Variants in DYNC1I1 observed in about 807,000 individuals in gnomAD.
DYNC1I1 encodes the protein cytoplasmic dynein 1 intermediate chain 1.
Under a neutral mutation model 86.6 loss-of-function variants are expected in DYNC1I1, and 43 were observed. The ratio of observed to expected loss-of-function variants is 0.50; its 90% CI spans 0.39 to 0.64. The LOEUF (loss-of-function observed/expected upper bound fraction) is 0.64. DYNC1I1 is among the 30% of genes least tolerant of loss of function. DYNC1I1 has a pLI of 0.00. For synonymous variants in DYNC1I1, 262 were observed against 283.7 expected (o/e 0.92, Z 0.77); for missense variants, 604 against 788.8 (o/e 0.77, Z 2.81).
rs546825271 is a variant in DYNC1I1 at position 95,864,047 on chromosome 7, G to T, written c.375-5836G>T. Among the ~76,000 whole-genome samples, 23 of 152,224 alleles carry T rather than the reference G, an allele frequency of 1.5e-4. No individual in the cohort carries two copies. In the South Asian group the frequency reaches 4.6e-3, roughly 30 times the overall value. On this transcript the variant is annotated intron_variant, in intron 5 of 16. Coordinates refer to ENST00000447467, the MANE Select transcript of DYNC1I1 (RefSeq NM_001135556.2). ...TACATGTTTCTCATGCTTTTATTTG[G>T]GAGTAAGTTTGTATAATCCTAACTT...
intron 10 of DYNC1I1, among the ~76,000 whole-genome samples, chr7:96,013,730 A>C (rs111456550): frequency 1.3e-5 from 2 of 152,180 alleles, no homozygotes; most frequent in Non-Finnish European, 1.5e-5. Flanking sequence ...AAGTGCTGGG[A>C]TTAGCAGGTA....
intron 6 of DYNC1I1, among the ~76,000 whole-genome samples, chr7:95,896,400 ATTAC>A (rs1287497063): frequency 6.6e-6 from 1 of 152,206 alleles, no homozygotes; most frequent in Non-Finnish European, 1.5e-5. Context: ...GCGTGCTTAT[ATTAC>A]TTAATGTTTC....
chr7:95,996,996 A>G (rs1270415669), intron 10 of DYNC1I1, among the ~76,000 whole-genome samples: 1 of 152,194 alleles, frequency 6.6e-6, no homozygotes, highest in Non-Finnish European at 1.5e-5. Flanking sequence ...TTTTTGAACT[A>G]AAATATGTTT....
At chr7:95,908,293 A>AT (rs1484522781) in intron 6 of DYNC1I1, among the ~76,000 whole-genome samples, 1 of 152,138 alleles carries the variant, frequency 6.6e-6, no homozygotes, top group Non-Finnish European at 1.5e-5. Context: ...CAAATGAGCT[A>AT]TTTTTCCACA....
chr7:96,047,851 G>A (rs563406427), intron 14 of DYNC1I1, among the ~76,000 whole-genome samples: 186 of 152,124 alleles, frequency 1.2e-3, no homozygotes, highest in African/African-American at 4.2e-3. Flanking sequence ...AACAAAAAGC[G>A]ACTTGAACTC....
At chr7:95,946,883 A>G (rs1465289559) in intron 6 of DYNC1I1, among the ~76,000 whole-genome samples, 11 of 152,170 alleles carry the variant, frequency 7.2e-5, no homozygotes, top group Non-Finnish European at 1.5e-4. Context: ...GGAGTGGAGT[A>G]AAAGAGACAG....
chr7:96,094,822 A>G (rs1318138392), intron 16 of DYNC1I1, among the ~76,000 whole-genome samples: 1 of 152,192 alleles, frequency 6.6e-6, no homozygotes, highest in Non-Finnish European at 1.5e-5. Context: ...TCTAGGAGGA[A>G]TTGTGTTTTC....
chr7:96,086,990 A>G (rs1374630187), intron 16 of DYNC1I1, among the ~76,000 whole-genome samples: 2 of 152,228 alleles, frequency 1.3e-5, no homozygotes, highest in Admixed American at 6.5e-5. Flanking sequence ...TATGCTTTCA[A>G]CAGTAGTTTG....
intron 6 of DYNC1I1, among the ~76,000 whole-genome samples, chr7:95,880,202 A>G (rs1477947530): frequency 1.3e-5 from 2 of 152,268 alleles, no homozygotes; most frequent in East Asian, 1.9e-4. Context: ...CATTGCCTGG[A>G]AATCTAACCC....
intron 6 of DYNC1I1, among the ~76,000 whole-genome samples, chr7:95,922,607 C>G (rs1873036): frequency 1.3e-5 from 2 of 151,880 alleles, no homozygotes; most frequent in African/African-American, 2.4e-5. Context: ...TGTAAGACAA[C>G]GAGCTGGGAC....
At chr7:95,787,367 A>G (rs1270659765) in intron 1 of DYNC1I1, among the ~76,000 whole-genome samples, 1 of 152,154 alleles carries the variant, frequency 6.6e-6, no homozygotes, top group African/African-American at 2.4e-5. Flanking sequence ...TGAAAAATCA[A>G]GCTGGTGGTC....
chr7:95,822,263 A>G (rs1360382402), intron 4 of DYNC1I1, among the ~76,000 whole-genome samples: 2 of 152,230 alleles, frequency 1.3e-5, no homozygotes, highest in Non-Finnish European at 2.9e-5. Flanking sequence ...ATTAAAAAGT[A>G]ATGAATTGGT....
chr7:95,922,636 A>G (rs1399155102), intron 6 of DYNC1I1, among the ~76,000 whole-genome samples: 2 of 152,070 alleles, frequency 1.3e-5, no homozygotes, highest in Non-Finnish European at 2.9e-5. Context: ...CTGATATATA[A>G]TTAGCCAAAT....
intron 10 of DYNC1I1, among the ~76,000 whole-genome samples, chr7:96,018,490 A>G (rs1225851412): frequency 6.6e-6 from 1 of 152,188 alleles, no homozygotes; most frequent in Non-Finnish European, 1.5e-5. Context: ...ACACTCATTT[A>G]GTAACTGCAC....
intron 6 of DYNC1I1, among the ~76,000 whole-genome samples, chr7:95,941,818 G>A (rs1049125424): frequency 8.5e-5 from 13 of 152,196 alleles, no homozygotes; most frequent in African/African-American, 2.2e-4. Context: ...ACTGTCCTGC[G>A]CCCACTGTCT....
At chr7:95,967,783 A>C (rs1221526253) in intron 6 of DYNC1I1, among the ~76,000 whole-genome samples, 1 of 152,184 alleles carries the variant, frequency 6.6e-6, no homozygotes, top group Middle Eastern at 3.2e-3. Context: ...CATATTTTGT[A>C]ACAGGAAAAG....
intron 6 of DYNC1I1, among the ~76,000 whole-genome samples, chr7:95,937,590 T>C: frequency 6.6e-6 from 1 of 151,748 alleles, no homozygotes. Context: ...AATATTGGGG[T>C]ATTATCATTA....
intron 2 of DYNC1I1, among the ~76,000 whole-genome samples, chr7:95,805,519 C>T (rs1328670394): frequency 1.3e-5 from 2 of 152,238 alleles, no homozygotes; most frequent in Admixed American, 1.3e-4. Context: ...TTTATGCCAA[C>T]AAAGCAGCAG....
intron 6 of DYNC1I1, among the ~76,000 whole-genome samples, chr7:95,882,630 C>T (rs1394163088): frequency 6.6e-6 from 1 of 152,106 alleles, no homozygotes; most frequent in Non-Finnish European, 1.5e-5. Flanking sequence ...GAAGTGTCAG[C>T]CTAGGTAAAT....
Sources: gnomAD v4.1 joint callset for allele counts (sites outside exome capture counted in the v4.1 genomes callset) on GRCh38, gnomAD v4.1.1 for gene constraint, MANE v1.5 for transcripts, NCBI Gene and HGNC (gene_info 2026-07-23, HGNC 2026-07-21) for gene names.